Variants in RBFOX1 observed in about 807,000 individuals in gnomAD.
The protein encoded by RBFOX1 is RNA binding protein fox-1 homolog 1.
Under a neutral mutation model 57.7 loss-of-function variants are expected in RBFOX1, and 8 were observed. That is an observed-to-expected ratio of 0.14 (90% CI 0.08 to 0.25). The LOEUF is 0.25. RBFOX1 is among the 10% of genes least tolerant of loss of function. The pLI is 1.00. For synonymous variants in RBFOX1, 326 were observed against 222.4 expected (o/e 1.47, Z -4.15); for missense variants, 611 against 548.5 (o/e 1.11, Z -1.14).
At chr16:6,381,516 G>T (rs2091812982) in intron 2 of RBFOX1, among the ~76,000 whole-genome samples, 1 of 152,232 alleles carries the variant, frequency 6.6e-6, no homozygotes, top group South Asian at 2.1e-4. Flanking sequence ...TGGAGTTTGT[G>T]TGACCATGCT....
chr16:5,701,705 A>G (rs1349602284), intron 3 of RBFOX1, among the ~76,000 whole-genome samples: 2 of 152,162 alleles, frequency 1.3e-5, no homozygotes, highest in Non-Finnish European at 2.9e-5. Context: ...AAATGCTGGG[A>G]CTACAGGTGT....
intron 3 of RBFOX1, among the ~76,000 whole-genome samples, chr16:5,718,079 T>C (rs567785861): frequency 6.6e-6 from 1 of 152,248 alleles, no homozygotes; most frequent in African/African-American, 2.4e-5. Context: ...GACAATAGGG[T>C]GTCATCGAAT....
At chr16:7,339,230 T>G (rs2096848241) in intron 4 of RBFOX1, among the ~76,000 whole-genome samples, 1 of 152,152 alleles carries the variant, frequency 6.6e-6, no homozygotes. Context: ...GAGTTTTCAG[T>G]GTGATTCATC....
chr16:7,706,171 C>G (rs541487155), intron 14 of RBFOX1, among the ~76,000 whole-genome samples: 2 of 152,292 alleles, frequency 1.3e-5, no homozygotes, highest in Admixed American at 6.5e-5. Flanking sequence ...ATTGTAGTGT[C>G]ACACAAGGGC....
At chr16:7,476,849 G>T (rs954570299) in intron 4 of RBFOX1, among the ~76,000 whole-genome samples, 1 of 152,166 alleles carries the variant, frequency 6.6e-6, no homozygotes, top group African/African-American at 2.4e-5. Context: ...GGCTAACATT[G>T]CTTTTATGCT....
intron 3 of RBFOX1, among the ~76,000 whole-genome samples, chr16:7,048,057 T>C (rs1437090518): frequency 1.3e-5 from 2 of 151,926 alleles, no homozygotes; most frequent in Non-Finnish European, 2.9e-5. Context: ...TTTTGTATTT[T>C]TAGTAGAGAA....
chr16:5,276,643 C>G (rs1254665618), intron 1 of RBFOX1, among the ~76,000 whole-genome samples: 1 of 152,112 alleles, frequency 6.6e-6, no homozygotes, highest in African/African-American at 2.4e-5. Context: ...ATTAGCCGGG[C>G]ATGGTGGCGG....
chr16:7,227,669 A>G (rs2093229869), intron 4 of RBFOX1, among the ~76,000 whole-genome samples: 1 of 152,032 alleles, frequency 6.6e-6, no homozygotes, highest in Admixed American at 6.6e-5. Flanking sequence ...ATTTGAGTGG[A>G]TGGGTCCTTC....
At chr16:5,676,058 G>A (rs1189846945) in intron 3 of RBFOX1, among the ~76,000 whole-genome samples, 1 of 152,106 alleles carries the variant, frequency 6.6e-6, no homozygotes, top group African/African-American at 2.4e-5. Context: ...CATGGTGATC[G>A]GGAGGGAACG....
chr16:6,919,314 C>T (rs562641166), intron 3 of RBFOX1, among the ~76,000 whole-genome samples: 148 of 152,180 alleles, frequency 9.7e-4, no homozygotes, highest in African/African-American at 3.4e-3. Flanking sequence ...TTGACCAATT[C>T]CTATTTATCC....
chr16:7,353,571 A>G (rs138342306), intron 4 of RBFOX1, among the ~76,000 whole-genome samples: 13 of 152,360 alleles, frequency 8.5e-5, no homozygotes, highest in African/African-American at 2.9e-4. Context: ...ATGTTCATCA[A>G]CTAAGAAATG....
At chr16:7,128,122 C>T (rs1323702180) in intron 4 of RBFOX1, among the ~76,000 whole-genome samples, 1 of 152,186 alleles carries the variant, frequency 6.6e-6, no homozygotes, top group Non-Finnish European at 1.5e-5. Context: ...ATGAAATGGA[C>T]AGCCCTGGTG....
intron 1 of RBFOX1, among the ~76,000 whole-genome samples, chr16:6,045,278 A>G (rs970058198): frequency 6.6e-6 from 1 of 152,186 alleles, no homozygotes; most frequent in Non-Finnish European, 1.5e-5. Flanking sequence ...GAGATAGAAC[A>G]TTTGGGTGGG....
intron 1 of RBFOX1, among the ~76,000 whole-genome samples, chr16:5,321,721 G>A (rs1246298417): frequency 6.6e-6 from 1 of 152,126 alleles, no homozygotes; most frequent in Non-Finnish European, 1.5e-5. Context: ...TTCCACACCT[G>A]GGGCTACTGG....
intron 15 of RBFOX1, chr16:7,709,558 T>C (rs1484002062): frequency 6.5e-7 from 1 of 1,531,788 alleles, no homozygotes; most frequent in South Asian, 1.2e-5. Flanking sequence ...AGGCCTCTGC[T>C]GTCAGGCAGC....
intron 1 of RBFOX1, among the ~76,000 whole-genome samples, chr16:6,300,119 T>TA (rs1481615420): frequency 6.6e-6 from 1 of 152,086 alleles, no homozygotes; most frequent in African/African-American, 2.4e-5. Context: ...TTATCTCACT[T>TA]ATATGAGGAA....
intron 14 of RBFOX1, among the ~76,000 whole-genome samples, chr16:7,703,636 A>G (rs1385042681): frequency 6.6e-6 from 1 of 152,218 alleles, no homozygotes; most frequent in Non-Finnish European, 1.5e-5. Flanking sequence ...ATTGTATCTC[A>G]TTAGCATCCA....
chr16:5,514,438 C>A (rs1597365678), intron 2 of RBFOX1, among the ~76,000 whole-genome samples: 1 of 152,248 alleles, frequency 6.6e-6, no homozygotes, highest in South Asian at 2.1e-4. Context: ...CTGCCTTCTC[C>A]TGGACAAACC....
chr16:7,076,140 C>T (rs1396690664), intron 4 of RBFOX1, among the ~76,000 whole-genome samples: 1 of 151,176 alleles, frequency 6.6e-6, no homozygotes, highest in Non-Finnish European at 1.5e-5. Flanking sequence ...CTCCCGGGTT[C>T]AAGTGATTCC....
Sources: gnomAD v4.1 joint callset for allele counts (sites outside exome capture counted in the v4.1 genomes callset) on GRCh38, gnomAD v4.1.1 for gene constraint, MANE v1.5 for transcripts, NCBI Gene and HGNC (gene_info 2026-07-23, HGNC 2026-07-21) for gene names.